FAM110B: variants seen among roughly 807,000 people sequenced by gnomAD.
The protein encoded by FAM110B is family with sequence similarity 110 member B, also known as protein FAM110B.
A neutral mutation model predicts 20.4 loss-of-function variants in FAM110B; 6 were observed. That is an observed-to-expected ratio of 0.29 (90% CI 0.16 to 0.58). FAM110B has a LOEUF of 0.58. FAM110B is among the 20% of genes least tolerant of loss of function. FAM110B has a pLI of 0.90. For missense variants in FAM110B, 434 were observed against 498.2 expected (o/e 0.87, Z 1.23); for synonymous variants, 226 against 214.1 (o/e 1.06, Z -0.49).
At chr8:58,035,538 A>ACT (rs1805060586) in intron 2 of FAM110B, among the ~76,000 whole-genome samples, 2 of 152,224 alleles carry the variant, frequency 1.3e-5, no homozygotes, top group African/African-American at 4.8e-5. Flanking sequence ...AAGTCACCTT[A>ACT]GAAAGTGAAT....
At position 58,148,139 on chromosome 8, in the gene FAM110B, TA is replaced by T. The variant is rs58388044; in HGVS notation, c.*809del. On this transcript the variant is annotated 3_prime_UTR_variant, in exon 4 of 4. Transcript: ENST00000519262. ...CCCTAAAACAAATACTGAATGCCTT[TA>T]AAAAAAAAAAAAGTTGTGGTTTTTT... 0.71 allele frequency: 99,463 copies of T among 140,758 alleles called. 34,765 individuals carry two copies. Among genetic ancestry groups the T allele is most frequent in the African/African-American group, 0.8 (26,824 of 33,646 alleles). 8.7% of individuals were successfully genotyped at this position (140,758 alleles called of 1,614,324 possible). A position where few individuals can be genotyped will look rare whatever the true frequency, so the allele number is the denominator to read the frequency against.
chr8:58,112,349 A>T (rs1303133307), intron 3 of FAM110B, among the ~76,000 whole-genome samples: 1 of 152,182 alleles, frequency 6.6e-6, no homozygotes, highest in Non-Finnish European at 1.5e-5. Flanking sequence ...AAATAAACAT[A>T]AATTAGTATC....
In FAM110B at chr8:58,146,572, G is replaced by A. The variant is rs760061732; in HGVS notation, c.342G>A (p.Glu114=). 6.2e-7 allele frequency: 1 copy of A among 1,614,058 alleles called. No homozygotes were observed. The highest frequency in any genetic ancestry group is 1.7e-5 in the Admixed American group (1 of 60,026). ...AGACCGAGAGCGGCGTGCAGAGGGA[G>A]AACCTGAAGCTGGAGATCCTGAAGA... ...HAKTESGVQR[E]NLKLEILKNI... is the part of the protein sequence containing the mutation. The change falls in exon 4 of 4, where the codon GAG becomes GAA. Residue 114 remains glutamate (E), a synonymous_variant. Coordinates refer to ENST00000519262, the MANE Select transcript of FAM110B (RefSeq NM_001377989.1).
chr8:58,049,453 G>A lies in FAM110B; in HGVS notation c.-414+17750G>A, dbSNP rs541440690. Among the ~76,000 whole-genome samples the A allele has an allele frequency of 3.3e-5, 5 of 151,846 alleles. No homozygotes were observed. The East Asian group carries it at 5.8e-4, about 18-fold the overall frequency. On this transcript the variant is annotated intron_variant, in intron 2 of 3. Coordinates refer to ENST00000519262, the MANE Select transcript of FAM110B (RefSeq NM_001377989.1). ...TACACTCCTTAGGTGCACAGCAAAT[G>A]CCAGAACTGCCCTAATTAGGTCAGA...
At chr8:58,002,471 T>G (rs1804316777) in intron 1 of FAM110B, among the ~76,000 whole-genome samples, 1 of 152,208 alleles carries the variant, frequency 6.6e-6, no homozygotes, top group African/African-American at 2.4e-5. Flanking sequence ...CAACACTTCC[T>G]TTATTGAACC....
At position 58,104,909 on chromosome 8, in the gene FAM110B, G is replaced by A. The variant is rs935932173; in HGVS notation, c.-325+29286G>A. On this transcript the variant is annotated intron_variant, in intron 3 of 3. Coordinates refer to ENST00000519262, the MANE Select transcript of FAM110B (RefSeq NM_001377989.1). ...TGAGTAACTTTGCATCAGCCACATC[G>A]TATTACTGACATGTATTAGGTGGTA... Among the ~76,000 whole-genome samples, 49 of 146,922 alleles carry A rather than the reference G, an allele frequency of 3.3e-4. 1 individual carries two copies. The highest frequency in any genetic ancestry group is 2.6e-3 in the Admixed American group (38 of 14,662).
intron 3 of FAM110B, among the ~76,000 whole-genome samples, chr8:58,102,535 G>A (rs930733718): frequency 6.6e-6 from 1 of 152,100 alleles, no homozygotes; most frequent in Admixed American, 6.5e-5. Flanking sequence ...TCCTGACTAC[G>A]AAAAGGAATT....
At chr8:58,133,250 C>T (rs190586616) in intron 3 of FAM110B, among the ~76,000 whole-genome samples, 38 of 150,908 alleles carry the variant, frequency 2.5e-4, no homozygotes, top group African/African-American at 8.8e-4. Flanking sequence ...ATGGGGAGGC[C>T]GGTAAGTGAA....
intron 3 of FAM110B, among the ~76,000 whole-genome samples, chr8:58,138,516 T>C (rs1803673261): frequency 6.6e-6 from 1 of 152,156 alleles, no homozygotes; most frequent in African/African-American, 2.4e-5. Context: ...GGGGCCTGTG[T>C]TGGGCTTTTT....
intron 3 of FAM110B, chr8:58,113,200 T>C (rs1388152389): frequency 6.6e-6 from 1 of 152,550 alleles, no homozygotes; most frequent in Non-Finnish European, 1.5e-5. Context: ...TATGTCTGCA[T>C]CTTTTCAATT....
chr8:58,102,659 A>G (rs1353156341), intron 3 of FAM110B, among the ~76,000 whole-genome samples: 2 of 152,112 alleles, frequency 1.3e-5, no homozygotes, highest in Non-Finnish European at 2.9e-5. Context: ...GAGTTGCAGG[A>G]GCTTTCTTGT....
At chr8:58,140,097 G>A (rs995389965) in intron 3 of FAM110B, among the ~76,000 whole-genome samples, 1 of 152,130 alleles carries the variant, frequency 6.6e-6, no homozygotes, top group Non-Finnish European at 1.5e-5. Flanking sequence ...AGCCCAGGGT[G>A]CAGAGGAAGA....
intron 1 of FAM110B, among the ~76,000 whole-genome samples, chr8:58,006,669 C>T (rs1048227902): frequency 6.6e-6 from 1 of 150,688 alleles, no homozygotes; most frequent in African/African-American, 2.4e-5. Flanking sequence ...GTGGCACGAT[C>T]TCGGCTCACT....
intron 3 of FAM110B, among the ~76,000 whole-genome samples, chr8:58,118,346 T>C (rs1343188773): frequency 1.3e-5 from 2 of 152,180 alleles, no homozygotes; most frequent in Non-Finnish European, 2.9e-5. Flanking sequence ...CTCTGCAGAT[T>C]TACTAACCAT....
intron 1 of FAM110B, among the ~76,000 whole-genome samples, chr8:58,010,180 C>T (rs1231284305): frequency 6.7e-6 from 1 of 150,198 alleles, no homozygotes; most frequent in African/African-American, 2.4e-5. Context: ...TGACGCCCTG[C>T]TAGTTTTTTT....
rs184176054 is a variant in FAM110B, at chr8:58,047,994, A to G, written c.-414+16291A>G. 2.8e-3 allele frequency among the ~76,000 whole-genome samples: 425 copies of G among 152,316 alleles called. 1 individual carries two copies. Among genetic ancestry groups the G allele is most frequent in the Non-Finnish European group, 5.2e-3 (354 of 68,034 alleles). ...GAGTTATTAGCATAAAAGCTTAATG[A>G]TTTACATCTGAAGGTTATGTATGTA... On this transcript the variant is annotated intron_variant, in intron 2 of 3. Transcript: ENST00000519262.
intron 1 of FAM110B, among the ~76,000 whole-genome samples, chr8:58,026,902 T>C (rs762858681): frequency 6.6e-6 from 1 of 152,180 alleles, no homozygotes; most frequent in South Asian, 2.1e-4. Context: ...AGTATGGTGA[T>C]GAGGAGAGTT....
chr8:58,094,798 TG>T (rs1172054808), intron 3 of FAM110B, among the ~76,000 whole-genome samples: 1 of 152,246 alleles, frequency 6.6e-6, no homozygotes, highest in Non-Finnish European at 1.5e-5. Context: ...CTTTTTCTTT[TG>T]TTTGGAATAG....
intron 3 of FAM110B, among the ~76,000 whole-genome samples, chr8:58,107,335 T>G (rs1806944407): frequency 6.6e-6 from 1 of 152,112 alleles, no homozygotes; most frequent in African/African-American, 2.4e-5. Context: ...ACATTAAAGT[T>G]TTTTGTTGTT....
Sources: gnomAD v4.1 joint callset for allele counts (sites outside exome capture counted in the v4.1 genomes callset) on GRCh38, gnomAD v4.1.1 for gene constraint, MANE v1.5 for transcripts, NCBI Gene and HGNC (gene_info 2026-07-23, HGNC 2026-07-21) for gene names.